TAF1B: variants seen among roughly 807,000 people sequenced by gnomAD.
The protein encoded by TAF1B is TATA box-binding protein-associated factor RNA polymerase I subunit B.
TAF1B carries 61 observed loss-of-function variants against 83.9 expected under a neutral mutation model. The observed-to-expected ratio is 0.73, with a 90% CI of 0.59 to 0.90. The LOEUF (loss-of-function observed/expected upper bound fraction) is 0.90, where lower values mean the gene tolerates loss of function less well. Ranked by LOEUF, TAF1B falls within the 40% of genes least tolerant of loss-of-function variation. The probability of loss-of-function intolerance (pLI) is 0.00; values close to 1 mark genes in which losing one functional copy is unlikely to be tolerated. For missense variants in TAF1B, 625 were observed against 677.0 expected (o/e 0.92, Z 0.85); for synonymous variants, 221 against 224.6 (o/e 0.98, Z 0.14).
chr2:9,879,826 GGTTTTCAATAT>G (rs1664440618), intron 7 of TAF1B, among the ~76,000 whole-genome samples: 1 of 152,146 alleles, frequency 6.6e-6, no homozygotes, highest in Admixed American at 6.5e-5. Flanking sequence ...ACAATTCAGT[GGTTTTCAATAT>G]GTTTTCAAAG....
At chr2:9,913,400 CTT>C (rs1335952237) in intron 12 of TAF1B, 151 bp downstream of exon 12, 1 of 518,572 alleles carries the variant, frequency 1.9e-6, no homozygotes, top group Non-Finnish European at 3.4e-6. Flanking sequence ...TAACTTTTCT[CTT>C]TTTTACATTA....
At position 9,849,464 on chromosome 2, in the gene TAF1B, A is replaced by T. The variant is rs1250526212; in HGVS notation, c.205+4A>T. Reference sequence around the variant, plus strand: ...CTTAAAAAAAAAAACAATACTGGTAAGTTCTTTCTTCATATGTACTTAACA... The same window carrying T: ...CTTAAAAAAAAAAACAATACTGGTATGTTCTTTCTTCATATGTACTTAACA... On this transcript the variant is annotated splice_donor_region_variant and intron_variant, in intron 3 of 14. Coordinates refer to ENST00000263663, the MANE Select transcript of TAF1B (RefSeq NM_005680.3). The T allele has an allele frequency of 1.3e-6, 2 of 1,539,718 alleles. No individual in the cohort carries two copies. The highest frequency in any genetic ancestry group is 1.7e-6 in the Non-Finnish European group (2 of 1,143,682).
At chr2:9,878,390 G>A (rs1295837225) in intron 7 of TAF1B, among the ~76,000 whole-genome samples, 1 of 152,098 alleles carries the variant, frequency 6.6e-6, no homozygotes, top group African/African-American at 2.4e-5. Flanking sequence ...GCCTGGCCCA[G>A]AGGATTCTTA....
At chr2:9,908,025 A>ATACTTTTTTTTAT (rs1553291402) in intron 9 of TAF1B, among the ~76,000 whole-genome samples, 1 of 100,934 alleles carries the variant, frequency 9.9e-6, no homozygotes, top group Non-Finnish European at 1.8e-5. Context: ...CAAGATCTTA[A>ATACTTTTTTTTAT]TTCTTTTTTT....
At chr2:9,852,045 T>C (rs1424955402) in intron 4 of TAF1B, 2 of 472,080 alleles carry the variant, frequency 4.2e-6, no homozygotes, top group Middle Eastern at 3.2e-4. Flanking sequence ...AGGACTTGAG[T>C]TCCACAGAAT....
chr2:9,919,022 GT>G lies in TAF1B; in HGVS notation c.1272-16del. ...GTTTCATCTCCGTCCTGCTCCAGCT[GT>G]TTCTTTACCTTGTACAGGTACCTGT... is the stretch of plus-strand genomic sequence containing the variant. On this transcript the variant is annotated intron_variant, in intron 12 of 14. Transcript: ENST00000263663. The G allele has an allele frequency of 6.2e-7, 1 of 1,608,452 alleles. No homozygotes were observed. Among genetic ancestry groups the G allele is most frequent in the Non-Finnish European group, 8.5e-7 (1 of 1,175,626 alleles).
chr2:9,921,989 G>A (rs1487637235), intron 14 of TAF1B, among the ~76,000 whole-genome samples: 1 of 152,134 alleles, frequency 6.6e-6, no homozygotes, highest in Non-Finnish European at 1.5e-5. Context: ...AGTAATTAAC[G>A]TGTGAAAAAT....
chr2:9,921,004 C>T (rs1572288025), intron 14 of TAF1B, among the ~76,000 whole-genome samples: 2 of 152,080 alleles, frequency 1.3e-5, no homozygotes. Context: ...AGACTTCCGG[C>T]TTAGTAATAG....
rs56125595 is a variant in TAF1B at position 9,888,790 on chromosome 2, G to GTTTTTTTTT, written c.807+6007_807+6015dup. Among the ~76,000 whole-genome samples the GTTTTTTTTT allele has an allele frequency of 1.5e-4, 12 of 81,658 alleles. 1 individual carries two copies. Among genetic ancestry groups the GTTTTTTTTT allele is most frequent in the African/African-American group, 9.3e-4 (12 of 12,920 alleles). The allele number at this position is 81,658 out of a possible 152,430, so 53.6% of individuals were successfully genotyped here. On this transcript the variant is annotated intron_variant, in intron 8 of 14. Coordinates refer to ENST00000263663, the MANE Select transcript of TAF1B (RefSeq NM_005680.3). The stretch of plus-strand genomic sequence containing the variant: ...GTTTTCTTTATGTTTCTTCTGCTTG[G>GTTTTTTTTT]TTTTTTTTTTTTTTTTTTTTTTTTT...
chr2:9,854,783 T>C (rs917872433), intron 5 of TAF1B, among the ~76,000 whole-genome samples: 2 of 152,204 alleles, frequency 1.3e-5, no homozygotes, highest in Admixed American at 6.5e-5. Context: ...CTACTTACTT[T>C]ATGTGGCATT....
chr2:9,880,872 C>T (rs1010629849), intron 7 of TAF1B, among the ~76,000 whole-genome samples: 1 of 151,960 alleles, frequency 6.6e-6, no homozygotes, highest in Non-Finnish European at 1.5e-5. Context: ...TAATATTAAA[C>T]CAAAAATATA....
At chr2:9,930,590 T>A (rs1324535659) in intron 14 of TAF1B, among the ~76,000 whole-genome samples, 1 of 152,232 alleles carries the variant, frequency 6.6e-6, no homozygotes, top group Non-Finnish European at 1.5e-5. Context: ...TCCAACTATG[T>A]GGTCAATTTT....
chr2:9,925,947 T>C (rs1259795061), intron 14 of TAF1B, among the ~76,000 whole-genome samples: 3 of 152,200 alleles, frequency 2.0e-5, no homozygotes, highest in African/African-American at 4.8e-5. Context: ...TAAATCATAA[T>C]ATCTCAATGT....
chr2:9,882,592 A>T (rs1204408383), intron 7 of TAF1B, 114 bp from the exon 8 acceptor site: 25 of 568,030 alleles, frequency 4.4e-5, no homozygotes, highest in Non-Finnish European at 4.7e-5. Flanking sequence ...GGGAAATAGA[A>T]TATGCTTAAC....
intron 1 of TAF1B, 148 bp downstream of exon 1, chr2:9,843,707 G>C: frequency 1.1e-6 from 1 of 913,966 alleles, no homozygotes; most frequent in Non-Finnish European, 1.6e-6. Context: ...GCGGGCTAAG[G>C]ACTGGGGCTG....
chr2:9,872,272 G>A (rs897456591), intron 6 of TAF1B, among the ~76,000 whole-genome samples: 2 of 151,020 alleles, frequency 1.3e-5, no homozygotes, highest in African/African-American at 4.9e-5. Flanking sequence ...GTTGTGGTGA[G>A]CTGAGATCAC....
chr2:9,920,185 A>T (rs185981113), intron 14 of TAF1B, among the ~76,000 whole-genome samples: 1 of 152,132 alleles, frequency 6.6e-6, no homozygotes, highest in South Asian at 2.1e-4. Context: ...TTTCCTAAAA[A>T]TAAGGATATT....
rs1664311149 is a variant in TAF1B, at chr2:9,875,946, C to G, written c.635C>G (p.Pro212Arg). ...AAGGGAATCGTGAAGATGACCATGCCACAGACACTTGCCTTCTGTTATCTG... is the reference window on the plus strand; with the variant it reads ...AAGGGAATCGTGAAGATGACCATGCGACAGACACTTGCCTTCTGTTATCTG... ...KEKGIVKMTM[P>R]QTLAFCYLSL... is the part of the protein sequence containing the mutation. The change falls in exon 7 of 15, where the codon CCA becomes CGA. Residue 212 changes from proline (P) to arginine (R), a missense_variant. Coordinates refer to ENST00000263663, the MANE Select transcript of TAF1B (RefSeq NM_005680.3). 1.9e-6 allele frequency: 3 copies of G among 1,613,566 alleles called. No homozygotes were observed. Among genetic ancestry groups the G allele is most frequent in the South Asian group, 2.2e-5 (2 of 91,026 alleles).
chr2:9,895,266 G>C (rs1357062159), intron 8 of TAF1B, among the ~76,000 whole-genome samples: 2 of 152,222 alleles, frequency 1.3e-5, no homozygotes, highest in East Asian at 3.9e-4. Flanking sequence ...TTGGGAAGCT[G>C]AGGCGGGAGT....
Sources: allele counts gnomAD v4.1 joint callset (sites outside exome capture counted in the v4.1 genomes callset), GRCh38; gene constraint gnomAD v4.1.1; transcripts MANE v1.5; gene names NCBI Gene and HGNC (gene_info 2026-07-23, HGNC 2026-07-21).